TEKT5: variants seen among roughly 807,000 people sequenced by gnomAD.
TEKT5 encodes the protein tektin-5.
A neutral mutation model predicts 48.7 loss-of-function variants in TEKT5; 52 were observed. The observed-to-expected ratio is 1.07, with a 90% CI of 0.86 to 1.35. The LOEUF (loss-of-function observed/expected upper bound fraction) is 1.35, where lower values mean the gene tolerates loss of function less well. Among genes scored for constraint, TEKT5 ranks in the 40% most tolerant of loss-of-function variants. TEKT5 has a pLI of 0.00. For missense variants in TEKT5, 831 were observed against 641.6 expected (o/e 1.30, Z -3.19); for synonymous variants, 318 against 267.6 (o/e 1.19, Z -1.84).
chr16:10,694,432 T>C lies in TEKT5; in HGVS notation c.442A>G (p.Ile148Val), dbSNP rs1156826561. Residue 148 changes from isoleucine (I) to valine (V), a missense_variant, in exon 1 of 7, where the codon ATT becomes GTT. Coordinates refer to ENST00000283025, the MANE Select transcript of TEKT5 (RefSeq NM_144674.2). ...CTCAGCTCTGACTTCCAGAAGCCAA[T>C]GTCCGACAGCCTCTGGCCCAGGTTC... is the stretch of plus-strand genomic sequence containing the variant. ...CRNLGQRLSD[I>V]GFWKSELSYE... The C allele has an allele frequency of 1.2e-6, 2 of 1,614,186 alleles. No individual in the cohort carries two copies. Among genetic ancestry groups the C allele is most frequent in the Non-Finnish European group, 1.7e-6 (2 of 1,180,036 alleles).
chr16:10,685,757 G>A (rs1297602290), intron 3 of TEKT5, among the ~76,000 whole-genome samples: 1 of 151,980 alleles, frequency 6.6e-6, no homozygotes, highest in Non-Finnish European at 1.5e-5. Flanking sequence ...TCATGTCTCT[G>A]TCTCTTTTGA....
intron 5 of TEKT5, among the ~76,000 whole-genome samples, chr16:10,645,914 T>C (rs1446779783): frequency 6.6e-6 from 1 of 151,932 alleles, no homozygotes; most frequent in South Asian, 2.1e-4. Flanking sequence ...GGAGGATCGC[T>C]TGAGCCAAGG....
chr16:10,686,456 CAA>C (rs58181454), intron 3 of TEKT5, among the ~76,000 whole-genome samples: 14 of 115,462 alleles, frequency 1.2e-4, no homozygotes, highest in African/African-American at 1.2e-4. Context: ...GACTCCATCT[CAA>C]AAAAAAAAAA....
intron 5 of TEKT5, chr16:10,671,863 A>T (rs1898554055): frequency 1.3e-5 from 2 of 152,194 alleles, no homozygotes; most frequent in Admixed American, 1.3e-4. Flanking sequence ...CTATCACGAG[A>T]AAAGCACGGG....
chr16:10,636,684 T>C (rs1375228214), intron 5 of TEKT5, among the ~76,000 whole-genome samples: 2 of 113,648 alleles, frequency 1.8e-5, no homozygotes, highest in Admixed American at 1.1e-4. Flanking sequence ...CATATATACA[T>C]ACATACGTGT....
At chr16:10,693,056 T>C (rs1304563198) in intron 1 of TEKT5, 1 of 152,336 alleles carries the variant, frequency 6.6e-6, no homozygotes, top group Non-Finnish European at 1.5e-5. Flanking sequence ...ACCAAGGAAG[T>C]GTTAGGAATG....
rs773112518 is a variant in TEKT5, at chr16:10,667,602, T to C, written c.1086+8357A>G. Among the ~76,000 whole-genome samples, 10 of 152,254 alleles carry C rather than the reference T, an allele frequency of 6.6e-5. No individual in the cohort carries two copies. In the East Asian group the frequency reaches 1.9e-3, roughly 29 times the overall value. On this transcript the variant is annotated intron_variant, in intron 5 of 6. Coordinates refer to ENST00000283025, the MANE Select transcript of TEKT5 (RefSeq NM_144674.2). ...GGGCTGCCCAATTCACGAATCATTC[T>C]TTGCTCAATTAAATTCTGTTAAATT...
At chr16:10,652,834 CAG>C (rs1898189507) in intron 5 of TEKT5, among the ~76,000 whole-genome samples, 2 of 92,572 alleles carry the variant, frequency 2.2e-5, no homozygotes, top group Admixed American at 1.1e-4. Context: ...TATACACAGG[CAG>C]ACACACACAC....
At chr16:10,644,813 G>A (rs377483855) in intron 5 of TEKT5, among the ~76,000 whole-genome samples, 11 of 152,122 alleles carry the variant, frequency 7.2e-5, no homozygotes, top group South Asian at 2.1e-4. Context: ...GCACTTTCTC[G>A]TGTATGTTCT....
At chr16:10,646,787 G>A (rs1261639949) in intron 5 of TEKT5, among the ~76,000 whole-genome samples, 1 of 152,200 alleles carries the variant, frequency 6.6e-6, no homozygotes, top group Non-Finnish European at 1.5e-5. Flanking sequence ...TAGGAAGGAG[G>A]CCAGCCCTTC....
intron 5 of TEKT5, among the ~76,000 whole-genome samples, chr16:10,658,298 C>T (rs1898298584): frequency 6.6e-6 from 1 of 152,120 alleles, no homozygotes; most frequent in African/African-American, 2.4e-5. Flanking sequence ...ATATGTCCAC[C>T]AAAAGATTTG....
chr16:10,689,788 G>A (rs1357796809), intron 2 of TEKT5, among the ~76,000 whole-genome samples, 154 bp downstream of exon 2: 1 of 151,978 alleles, frequency 6.6e-6, no homozygotes, highest in Non-Finnish European at 1.5e-5. Flanking sequence ...TTCCTAAATT[G>A]CAAACTAGAC....
In TEKT5 at chr16:10,684,395, C is replaced by CT. The variant is rs921465373; in HGVS notation, c.720-2260dup. Among the ~76,000 whole-genome samples, 804 of 141,720 alleles carry CT rather than the reference C, an allele frequency of 5.7e-3. 5 individuals are homozygous for CT. Among genetic ancestry groups the CT allele is most frequent in the Non-Finnish European group, 7.5e-3 (487 of 64,546 alleles). 93.0% of individuals were successfully genotyped at this position (141,720 alleles called of 152,430 possible). ...GGGTCTCTCCCTCCCTCCCCTCCATCTTTTTTTTTTTTTTTCCTGCTGTGG... is the reference window on the plus strand; with the variant it reads ...GGGTCTCTCCCTCCCTCCCCTCCATCTTTTTTTTTTTTTTTTCCTGCTGTGG... On this transcript the variant is annotated intron_variant, in intron 3 of 6. Coordinates refer to ENST00000283025, the MANE Select transcript of TEKT5 (RefSeq NM_144674.2).
chr16:10,689,945 G>A lies in TEKT5; in HGVS notation c.645C>T (p.Ile215=). ...LVHDNVEKNL[I]REVDLLKCCQ... ...GCAGAACCAGGAGATGCCTTACCCG[G>A]ATAAGGTTTTTCTCCACGTTGTCAT... The change falls in exon 2 of 7, where the codon ATC becomes ATT. Residue 215 remains isoleucine (I), a synonymous_variant. Coordinates refer to ENST00000283025, the MANE Select transcript of TEKT5 (RefSeq NM_144674.2). 6.2e-7 allele frequency: 1 copy of A among 1,613,912 alleles called. No homozygotes were observed. The highest frequency in any genetic ancestry group is 8.5e-7 in the Non-Finnish European group (1 of 1,179,980).
chr16:10,683,445 G>T (rs1280673034), intron 3 of TEKT5, among the ~76,000 whole-genome samples: 1 of 152,222 alleles, frequency 6.6e-6, no homozygotes, highest in African/African-American at 2.4e-5. Flanking sequence ...GCTTAAGCCA[G>T]GAGGGCTGGT....
chr16:10,670,388 A>G (rs1479354913), intron 5 of TEKT5, among the ~76,000 whole-genome samples: 1 of 152,116 alleles, frequency 6.6e-6, no homozygotes, highest in African/African-American at 2.4e-5. Context: ...TTAGCCGAGC[A>G]TGGTGGCAGC....
At chr16:10,667,010 G>A (rs1898470317) in intron 5 of TEKT5, among the ~76,000 whole-genome samples, 1 of 141,744 alleles carries the variant, frequency 7.1e-6, no homozygotes, top group East Asian at 2.0e-4. Context: ...TTGAGACAGG[G>A]TCTCACTCTG....
intron 4 of TEKT5, among the ~76,000 whole-genome samples, chr16:10,677,790 G>C (rs912481125): frequency 2.4e-5 from 3 of 124,224 alleles, no homozygotes; most frequent in Admixed American, 7.4e-5. Flanking sequence ...CCCACACTCT[G>C]TCTTCTGCTG....
chr16:10,655,588 T>C (rs895217015), intron 5 of TEKT5, among the ~76,000 whole-genome samples: 1 of 152,210 alleles, frequency 6.6e-6, no homozygotes, highest in African/African-American at 2.4e-5. Flanking sequence ...AAAGACTACA[T>C]TTTCCAGGCT....
Sources: gnomAD v4.1 joint callset for allele counts (sites outside exome capture counted in the v4.1 genomes callset) on GRCh38, gnomAD v4.1.1 for gene constraint, MANE v1.5 for transcripts, NCBI Gene and HGNC (gene_info 2026-07-23, HGNC 2026-07-21) for gene names.